The following POTEI variants were observed in gnomAD, a reference collection of about 807,000 sequenced individuals.
POTEI encodes POTE ankyrin domain family member I, also known as POTE ankyrin domain family, member I.
Under a neutral mutation model 43.4 loss-of-function variants are expected in POTEI, and 14 were observed. The ratio of observed to expected loss-of-function variants is 0.32; its 90% confidence interval spans 0.21 to 0.50. The LOEUF (loss-of-function observed/expected upper bound fraction) is 0.50, where lower values mean the gene tolerates loss of function less well. Ranked by LOEUF, POTEI falls within the 20% of genes least tolerant of loss-of-function variation. The probability of loss-of-function intolerance (pLI) is 0.98; values close to 1 mark genes in which losing one functional copy is unlikely to be tolerated. For synonymous variants in POTEI, 95 were observed against 297.9 expected (o/e 0.32, Z 7.01); for missense variants, 235 against 795.4 (o/e 0.30, Z 8.47).
At chr2:130,468,259 CAT>C (rs1377636708) in intron 13 of POTEI, among the ~76,000 whole-genome samples, 34 of 141,112 alleles carry the variant, frequency 2.4e-4, no homozygotes, top group African/African-American at 8.6e-4. Context: ...GACGTATATA[CAT>C]ATATATATCT....
rs1322242191 is a variant in POTEI at position 130,461,004 on chromosome 2, A to G, written c.*1812T>C. 6.7e-6 allele frequency: 1 copy of G among 148,926 alleles called. No homozygotes were observed. The highest frequency in any genetic ancestry group is 1.5e-5 in the Non-Finnish European group (1 of 67,958). The allele number at this position is 148,926 out of a possible 1,614,324, so 9.2% of individuals were successfully genotyped here. ...CTGTGGTATGCTGGGGGTCCCCTCC[A>G]GTCCCTAATTGCCTTGTATTTTCCA... On this transcript the variant is annotated 3_prime_UTR_variant, in exon 15 of 15. Transcript: ENST00000451531.
upstream of POTEI, chr2:130,509,370 C>T: frequency 2.2e-6 from 1 of 464,672 alleles, no homozygotes; most frequent in South Asian, 2.2e-5. Context: ...AACCTGCCAA[C>T]CCCAGCAGGT....
At chr2:130,500,132 C>A in intron 4 of POTEI, among the ~76,000 whole-genome samples, 1 of 76,482 alleles carries the variant, frequency 1.3e-5, no homozygotes, top group African/African-American at 3.8e-5. Flanking sequence ...GATTTTCAAC[C>A]CCTATTTATG....
chr2:130,483,599 G>GT (rs1319437395), intron 9 of POTEI, among the ~76,000 whole-genome samples: 5 of 29,176 alleles, frequency 1.7e-4, no homozygotes, highest in Admixed American at 6.9e-4. Context: ...TGTCAAACTT[G>GT]TTTTTTTTTT....
intron 1 of POTEI, among the ~76,000 whole-genome samples, chr2:130,507,030 C>A (rs1684175200): frequency 6.8e-6 from 1 of 147,882 alleles, no homozygotes; most frequent in Non-Finnish European, 1.5e-5. Context: ...TTGGGGAGGC[C>A]AAGGTGGGTG....
chr2:130,484,249 A>G (rs1683508005), intron 9 of POTEI, among the ~76,000 whole-genome samples: 1 of 150,124 alleles, frequency 6.7e-6, no homozygotes, highest in Non-Finnish European at 1.5e-5. Flanking sequence ...CAAAGACTCT[A>G]AGAAACGATG....
rs1442073190 is a variant in POTEI at position 130,475,381 on chromosome 2, T to A, written c.1552-430A>T. Among the ~76,000 whole-genome samples the A allele has an allele frequency of 6.0e-5, 5 of 82,804 alleles. 1 individual carries two copies. The Admixed American group carries it at 8.1e-4, about 13-fold the overall frequency. The allele number at this position is 82,804 out of a possible 152,430, so 54.3% of individuals were successfully genotyped here. A position where few individuals can be genotyped will look rare whatever the true frequency, so the allele number is the denominator to read the frequency against. On this transcript the variant is annotated intron_variant, in intron 11 of 14. Coordinates refer to ENST00000451531, the MANE Select transcript of POTEI (RefSeq NM_001277406.2). ...AACCCTAACTAGTGAGCCCCTACAG[T>A]GCACTGAAGTGCTTTTTTAAAAGAT...
chr2:130,508,735 G>A lies in POTEI; in HGVS notation c.501C>T (p.Asn167=), dbSNP rs1266593315. The change falls in exon 1 of 15, where the codon AAC becomes AAT. Residue 167 remains asparagine (N), a synonymous_variant. Coordinates refer to ENST00000451531, the MANE Select transcript of POTEI (RefSeq NM_001277406.2). ...LIVMLRDTDV[N]KQDKQKRTAL... Reference sequence around the variant, plus strand: ...GTTACCTCTTTTGCTTGTCCTGCTTGTTCACGTCAGTGTCCCTGAGCATGA... The same window carrying A: ...GTTACCTCTTTTGCTTGTCCTGCTTATTCACGTCAGTGTCCCTGAGCATGA... The A allele has an allele frequency of 8.0e-7, 1 of 1,245,632 alleles. No individual in the cohort carries two copies. Among genetic ancestry groups the A allele is most frequent in the Admixed American group, 2.5e-5 (1 of 40,246 alleles). The allele number at this position is 1,245,632 out of a possible 1,614,324, so 77.2% of individuals were successfully genotyped here. A position where few individuals can be genotyped will look rare whatever the true frequency, so the allele number is the denominator to read the frequency against.
In POTEI at chr2:130,509,272, G is replaced by A; in HGVS notation, c.-37C>T. On this transcript the variant is annotated 5_prime_UTR_variant, in exon 1 of 15. Transcript: ENST00000451531. The stretch of plus-strand genomic sequence containing the variant: ...AGCCTGGGGAGGCCGGTAGTAGCGA[G>A]CAGATCACGTCTACCAACCAGTTTC... 3 of 984,588 alleles carry A rather than the reference G, an allele frequency of 3.0e-6. No individual in the cohort carries two copies. The highest frequency in any genetic ancestry group is 4.4e-6 in the Non-Finnish European group (3 of 687,424). The allele number at this position is 984,588 out of a possible 1,614,324, so 61.0% of individuals were successfully genotyped here.
At chr2:130,482,525 A>C (rs1208766591) in intron 9 of POTEI, among the ~76,000 whole-genome samples, 2 of 150,440 alleles carry the variant, frequency 1.3e-5, no homozygotes, top group Non-Finnish European at 3.0e-5. Flanking sequence ...AAACAATGGA[A>C]TAATTTGTTC....
chr2:130,482,699 C>T (rs1195828298), intron 9 of POTEI, among the ~76,000 whole-genome samples: 4 of 149,172 alleles, frequency 2.7e-5, no homozygotes, highest in African/African-American at 1.0e-4. Flanking sequence ...TTCAGGGCAT[C>T]TCAACTATGT....
chr2:130,481,445 C>G (rs1390566609), intron 10 of POTEI, among the ~76,000 whole-genome samples: 523 of 3,338 alleles, frequency 0.16, 242 homozygotes, highest in Admixed American at 0.29. Flanking sequence ...CCTCCCAGAG[C>G]AGGGCTCCAC....
upstream of POTEI, chr2:130,509,584 G>GAACACCAGGCCAAGCGACC: frequency 1.9e-5 from 2 of 107,388 alleles, no homozygotes; most frequent in Non-Finnish European, 1.6e-5. Flanking sequence ...ATCCAAGGAG[G>GAACACCAGGCCAAGCGACC]AACACCAGGC....
rs1558896637 is a variant in POTEI at position 130,508,882 on chromosome 2, A to G, written c.354T>C (p.Gly118=). Residue 118 remains glycine, a synonymous_variant, in exon 1 of 15, where the codon GGT becomes GGC. Coordinates refer to ENST00000451531, the MANE Select transcript of POTEI (RefSeq NM_001277406.2). ...CCRGSGKSNV[G]AWGDYDDSAF... ...CGCTGTCGTCGTAGTCTCCCCAAGC[A>G]CCCACGTTGCTCTTGCCGCTCCCCC... 1.9e-6 allele frequency: 3 copies of G among 1,584,378 alleles called. No individual in the cohort carries two copies. Among genetic ancestry groups the G allele is most frequent in the East Asian group, 2.4e-5 (1 of 41,466 alleles).
At chr2:130,464,809 T>C (rs1317630409) in intron 14 of POTEI, among the ~76,000 whole-genome samples, 2 of 148,796 alleles carry the variant, frequency 1.3e-5, no homozygotes, top group African/African-American at 4.9e-5. Context: ...AAGATCGCGA[T>C]TCTTAAAAGG....
In POTEI at chr2:130,460,260, C is replaced by T. The variant is rs1019099549; in HGVS notation, c.*2556G>A. On this transcript the variant is annotated 3_prime_UTR_variant, in exon 15 of 15. Coordinates refer to ENST00000451531, the MANE Select transcript of POTEI (RefSeq NM_001277406.2). ...CCATCTCAAGTGCAAGATTGCCCAG[C>T]CTCCAGAGATCAGGTCTCAGAGGAG... is the stretch of plus-strand genomic sequence containing the variant. 6.6e-6 allele frequency: 1 copy of T among 151,694 alleles called. No individual in the cohort carries two copies. The highest frequency in any genetic ancestry group is 1.5e-5 in the Non-Finnish European group (1 of 68,010). 9.4% of individuals were successfully genotyped at this position (151,694 alleles called of 1,614,324 possible).
rs1337739345 is a variant in POTEI, at chr2:130,461,596, G to A, written c.*1220C>T. 5 of 151,878 alleles carry A rather than the reference G, an allele frequency of 3.3e-5. No homozygotes were observed. Among genetic ancestry groups the A allele is most frequent in the African/African-American group, 4.8e-5 (2 of 41,272 alleles). The allele number at this position is 151,878 out of a possible 1,614,324, so 9.4% of individuals were successfully genotyped here. ...CAAAGGTGGGGGCCTGCCCCTCTCC[G>A]GGAGCTCTGTCCCAGGAACATTTCA... On this transcript the variant is annotated 3_prime_UTR_variant, in exon 15 of 15. Transcript: ENST00000451531.
chr2:130,483,576 T>C (rs1233418783), intron 9 of POTEI, among the ~76,000 whole-genome samples: 2 of 77,136 alleles, frequency 2.6e-5, no homozygotes, highest in Non-Finnish European at 4.7e-5. Flanking sequence ...GGCAAAACTG[T>C]TAGAAAGAAC....
At chr2:130,491,815 C>G (rs1573930819) in intron 6 of POTEI, among the ~76,000 whole-genome samples, 5 of 98,000 alleles carry the variant, frequency 5.1e-5, no homozygotes, top group African/African-American at 1.3e-4. Context: ...CCATCATGCC[C>G]TGCTAATTTT....
Sources: allele counts gnomAD v4.1 joint callset (sites outside exome capture counted in the v4.1 genomes callset), GRCh38; gene constraint gnomAD v4.1.1; transcripts MANE v1.5; gene names NCBI Gene and HGNC (gene_info 2026-07-23, HGNC 2026-07-21).